Variants in LMBR1 observed in about 807,000 individuals in gnomAD.
LMBR1 encodes the protein limb region 1 protein homolog.
In LMBR1, 52 loss-of-function variants were observed where a neutral mutation model predicts 73.9. The ratio of observed to expected loss-of-function variants is 0.70; its 90% CI spans 0.56 to 0.89. LMBR1 has a LOEUF of 0.89. Ranked by LOEUF, LMBR1 falls within the 40% of genes least tolerant of loss-of-function variation. The pLI, the probability that LMBR1 is intolerant of heterozygous loss-of-function variation, is 0.00. For missense variants in LMBR1, 539 were observed against 579.8 expected (o/e 0.93, Z 0.72); for synonymous variants, 215 against 209.4 (o/e 1.03, Z -0.23).
At chr7:156,861,940 T>G (rs1484299974) in intron 1 of LMBR1, among the ~76,000 whole-genome samples, 2 of 152,212 alleles carry the variant, frequency 1.3e-5, no homozygotes, top group African/African-American at 4.8e-5. Context: ...ATCCAAACTT[T>G]TCCACATTTT....
At chr7:156,886,640 T>C (rs992417049) in intron 1 of LMBR1, among the ~76,000 whole-genome samples, 2 of 152,196 alleles carry the variant, frequency 1.3e-5, no homozygotes, top group Non-Finnish European at 2.9e-5. Context: ...ACTTAGGGTC[T>C]GGCAGTGAGT....
intron 1 of LMBR1, among the ~76,000 whole-genome samples, chr7:156,870,217 A>AATGATATAT (rs1393936918): frequency 6.6e-6 from 1 of 152,240 alleles, no homozygotes; most frequent in Non-Finnish European, 1.5e-5. Flanking sequence ...AAATGAATCT[A>AATGATATAT]ATGATATATA....
At chr7:156,673,468 C>T (rs1803053511), downstream of LMBR1, among the ~76,000 whole-genome samples, 2 of 152,264 alleles carry the variant, frequency 1.3e-5, no homozygotes. Flanking sequence ...CCTTAGGAAA[C>T]GTTACCGATT....
chr7:156,684,306 G>A, intron 16 of LMBR1, 143 bp from the exon 17 acceptor site: 2 of 674,532 alleles, frequency 3.0e-6, no homozygotes, highest in Non-Finnish European at 5.1e-6. Context: ...CTTGAGGAAT[G>A]AATGATTTCT....
At chr7:156,732,541 T>G (rs1252670203) in intron 10 of LMBR1, among the ~76,000 whole-genome samples, 2 of 152,060 alleles carry the variant, frequency 1.3e-5, no homozygotes, top group African/African-American at 4.8e-5. Context: ...GTATATCGGC[T>G]CAGGCATGTG....
intron 10 of LMBR1, among the ~76,000 whole-genome samples, chr7:156,730,743 C>A (rs1816682584): frequency 6.6e-6 from 1 of 152,158 alleles, no homozygotes; most frequent in Non-Finnish European, 1.5e-5. Flanking sequence ...TGAGACCAGC[C>A]TGGCCAACAT....
chr7:156,792,141 A>G (rs375627932), intron 5 of LMBR1, among the ~76,000 whole-genome samples: 13 of 152,198 alleles, frequency 8.5e-5, no homozygotes, highest in African/African-American at 3.1e-4. Context: ...ATTAATCCAG[A>G]TAACCTGGAG....
chr7:156,750,238 A>G (rs573311720), intron 9 of LMBR1, among the ~76,000 whole-genome samples: 1 of 152,328 alleles, frequency 6.6e-6, no homozygotes, highest in East Asian at 1.9e-4. Context: ...GATTATTTCA[A>G]TTAATGCCGT....
At chr7:156,856,934 A>G (rs1419991214) in intron 1 of LMBR1, among the ~76,000 whole-genome samples, 4 of 152,180 alleles carry the variant, frequency 2.6e-5, no homozygotes, top group Non-Finnish European at 4.4e-5. Context: ...GAAGCAATAC[A>G]ATGTTATGTG....
chr7:156,772,452 A>G (rs1416035428), intron 5 of LMBR1, among the ~76,000 whole-genome samples: 1 of 152,228 alleles, frequency 6.6e-6, no homozygotes, highest in Non-Finnish European at 1.5e-5. Flanking sequence ...AAAAGCTGGA[A>G]GCATAGCCCC....
At chr7:156,880,278 A>C (rs953545700) in intron 1 of LMBR1, among the ~76,000 whole-genome samples, 1 of 152,204 alleles carries the variant, frequency 6.6e-6, no homozygotes, top group Non-Finnish European at 1.5e-5. Context: ...GTTCTCACTC[A>C]TAAGTGGGAA....
rs533284143 is a variant in LMBR1 at position 156,728,809 on chromosome 7, T to G, written c.839-89A>C. 4.3e-6 allele frequency: 4 copies of G among 928,478 alleles called. No individual in the cohort carries two copies. The Admixed American group carries it at 1.1e-4, about 24-fold the overall frequency. 57.5% of individuals were successfully genotyped at this position (928,478 alleles called of 1,614,324 possible). A position where few individuals can be genotyped will look rare whatever the true frequency, so the allele number is the denominator to read the frequency against. On this transcript the variant is annotated intron_variant, in intron 10 of 16. Coordinates refer to ENST00000353442, the MANE Select transcript of LMBR1 (RefSeq NM_022458.4). Reference sequence around the variant, plus strand: ...GCTATAATCTGTTTTATACATAATTTCTTTTTAAAAAACATAAATTACTTT... The same window carrying G: ...GCTATAATCTGTTTTATACATAATTGCTTTTTAAAAAACATAAATTACTTT...
At chr7:156,676,692 A>G, downstream of LMBR1, 1 of 1,534,226 alleles carries the variant, frequency 6.5e-7, no homozygotes, top group Non-Finnish European at 9.0e-7. Flanking sequence ...TTCTGAGGAA[A>G]AAAGTTTACC....
intron 5 of LMBR1, among the ~76,000 whole-genome samples, chr7:156,767,623 C>G (rs955214714): frequency 1.3e-5 from 2 of 151,534 alleles, no homozygotes; most frequent in Non-Finnish European, 2.9e-5. Flanking sequence ...AAACTAGTAA[C>G]AGTAATAGTA....
intron 1 of LMBR1, among the ~76,000 whole-genome samples, chr7:156,889,658 A>G (rs1444991697): frequency 4.6e-5 from 7 of 152,200 alleles, no homozygotes; most frequent in African/African-American, 1.7e-4. Context: ...AATCGGTACC[A>G]AAACCGTTTT....
At chr7:156,858,882 C>G (rs982627489) in intron 1 of LMBR1, among the ~76,000 whole-genome samples, 3 of 151,910 alleles carry the variant, frequency 2.0e-5, no homozygotes, top group Non-Finnish European at 4.4e-5. Flanking sequence ...TTCTCAGAAA[C>G]CTGTGAATAA....
At position 156,756,444 on chromosome 7, in the gene LMBR1, GT is replaced by G; in HGVS notation, c.705del (p.Glu235AspfsTer8). On this transcript the variant is annotated frameshift_variant, in exon 9 of 17. Transcript: ENST00000353442. LOFTEE classifies it high-confidence loss of function. ...TCCTCTAAGGTAATGATATAAATTT[GT>G]TCATCCAGGTCTTCAAGAATCTAAA... ...VKPTILEDLD[E>X]QIYIITLEEE... 6.7e-7 allele frequency: 1 copy of G among 1,491,104 alleles called. No homozygotes were observed. The highest frequency in any genetic ancestry group is 9.3e-7 in the Non-Finnish European group (1 of 1,080,156). 92.4% of individuals were successfully genotyped at this position (1,491,104 alleles called of 1,614,324 possible).
At chr7:156,730,427 T>C (rs1816624032) in intron 10 of LMBR1, among the ~76,000 whole-genome samples, 1 of 152,118 alleles carries the variant, frequency 6.6e-6, no homozygotes, top group Non-Finnish European at 1.5e-5. Flanking sequence ...AGCTATATCC[T>C]AGTATGAAGG....
intron 1 of LMBR1, among the ~76,000 whole-genome samples, chr7:156,861,912 C>CA (rs1797775168): frequency 6.6e-6 from 1 of 152,228 alleles, no homozygotes; most frequent in Admixed American, 6.5e-5. Context: ...CAAAGCCACT[C>CA]AACAAGTCTC....
Sources: allele counts gnomAD v4.1 joint callset (sites outside exome capture counted in the v4.1 genomes callset), GRCh38; gene constraint gnomAD v4.1.1; transcripts MANE v1.5; gene names NCBI Gene and HGNC (gene_info 2026-07-23, HGNC 2026-07-21).